Variants in MUSK observed in about 807,000 individuals in gnomAD.
MUSK encodes the protein muscle associated receptor tyrosine kinase, also known as muscle, skeletal receptor tyrosine-protein kinase.
In MUSK, 55 loss-of-function variants were observed where a neutral mutation model predicts 88.7. The observed-to-expected ratio is 0.62, with a 90% confidence interval of 0.50 to 0.78. The LOEUF (loss-of-function observed/expected upper bound fraction) is 0.78. Ranked by LOEUF, MUSK falls within the 30% of genes least tolerant of loss-of-function variation. The pLI, the probability that MUSK is intolerant of heterozygous loss-of-function variation, is 0.00. For missense variants in MUSK, 1,015 were observed against 1,074.3 expected (o/e 0.94, Z 0.77); for synonymous variants, 387 against 391.9 (o/e 0.99, Z 0.15).
chr9:110,676,216 C>T (rs1806440818), intron 1 of MUSK, among the ~76,000 whole-genome samples: 1 of 151,570 alleles, frequency 6.6e-6, no homozygotes, highest in Admixed American at 6.6e-5. Context: ...TAAAATTACA[C>T]ATAATGCTCA....
At chr9:110,784,262 T>C (rs1439341212) in intron 11 of MUSK, among the ~76,000 whole-genome samples, 1 of 152,184 alleles carries the variant, frequency 6.6e-6, no homozygotes, top group African/African-American at 2.4e-5. Flanking sequence ...GTATGGCATC[T>C]TTTGGTTTCC....
chr9:110,732,849 G>A (rs1186748574), intron 5 of MUSK, among the ~76,000 whole-genome samples: 1 of 152,010 alleles, frequency 6.6e-6, no homozygotes, highest in Non-Finnish European at 1.5e-5. Context: ...TCAAAAGATA[G>A]GAAGTCAAAT....
intron 5 of MUSK, among the ~76,000 whole-genome samples, chr9:110,723,170 G>GACATATAAATACACACACAT: frequency 6.6e-6 from 1 of 150,992 alleles, no homozygotes; most frequent in South Asian, 2.1e-4. Flanking sequence ...GAAAATGTGA[G>GACATATAAATACACACACAT]ACATATAAAT....
At chr9:110,730,203 T>A (rs2076945437) in intron 5 of MUSK, among the ~76,000 whole-genome samples, 2 of 130,096 alleles carry the variant, frequency 1.5e-5, no homozygotes, top group South Asian at 4.4e-4. Flanking sequence ...GTTAAATATA[T>A]TACCTTGGTC....
In MUSK at chr9:110,801,138, A is replaced by G; in HGVS notation, c.*150A>G. On this transcript the variant is annotated 3_prime_UTR_variant, in exon 15 of 15. Transcript: ENST00000374448. ...TGTTTGCTTCCCAGGGAGAGCAAAG[A>G]CAGTGCAAAACCCATGTGGTAGACG... The G allele has an allele frequency of 3.1e-6, 2 of 636,656 alleles. No individual in the cohort carries two copies. The highest frequency in any genetic ancestry group is 3.9e-5 in the South Asian group (1 of 25,354). The allele number at this position is 636,656 out of a possible 1,614,324, so 39.4% of individuals were successfully genotyped here. A position where few individuals can be genotyped will look rare whatever the true frequency, so the allele number is the denominator to read the frequency against.
intron 5 of MUSK, among the ~76,000 whole-genome samples, chr9:110,700,574 C>CT (rs1401549788): frequency 2.0e-5 from 3 of 152,050 alleles, no homozygotes; most frequent in Admixed American, 6.6e-5. Context: ...GTAGCTGGAG[C>CT]TATGTTTGGT....
chr9:110,772,467 A>T (rs945135604), intron 9 of MUSK, among the ~76,000 whole-genome samples: 3 of 151,874 alleles, frequency 2.0e-5, no homozygotes, highest in African/African-American at 7.2e-5. Flanking sequence ...GTTATTTTTT[A>T]AAATCCTCAT....
intron 7 of MUSK, among the ~76,000 whole-genome samples, chr9:110,755,406 T>G (rs2077297944): frequency 6.6e-6 from 1 of 152,214 alleles, no homozygotes; most frequent in South Asian, 2.1e-4. Flanking sequence ...GACCTGAGGC[T>G]ATATGTGTAA....
At chr9:110,689,084 A>G (rs1246029764) in intron 3 of MUSK, among the ~76,000 whole-genome samples, 2 of 137,088 alleles carry the variant, frequency 1.5e-5, no homozygotes, top group African/African-American at 2.7e-5. Context: ...ATATAGTTAT[A>G]TATTTACATT....
At chr9:110,707,496 T>C (rs2131757532) in intron 5 of MUSK, among the ~76,000 whole-genome samples, 2 of 152,350 alleles carry the variant, frequency 1.3e-5, no homozygotes, top group African/African-American at 4.8e-5. Flanking sequence ...TGGCTGAATG[T>C]AGTGTACTTG....
intron 5 of MUSK, among the ~76,000 whole-genome samples, chr9:110,710,863 C>T (rs2076659715): frequency 6.6e-6 from 1 of 152,188 alleles, no homozygotes; most frequent in East Asian, 1.9e-4. Context: ...TCCATTCTAG[C>T]ACTCACTGCT....
At chr9:110,749,656 A>G (rs2077223612) in intron 7 of MUSK, among the ~76,000 whole-genome samples, 1 of 152,236 alleles carries the variant, frequency 6.6e-6, no homozygotes, top group Admixed American at 6.5e-5. Flanking sequence ...AAGTGCGGCA[A>G]GCTGTCAGGA....
At chr9:110,725,971 C>T (rs747452324) in intron 5 of MUSK, among the ~76,000 whole-genome samples, 1 of 151,778 alleles carries the variant, frequency 6.6e-6, no homozygotes, top group Non-Finnish European at 1.5e-5. Flanking sequence ...TGTTTGAGCT[C>T]GAAATGACCA....
intron 5 of MUSK, among the ~76,000 whole-genome samples, chr9:110,712,554 C>A (rs867622209): frequency 9.9e-5 from 15 of 152,222 alleles, no homozygotes; most frequent in Middle Eastern, 6.8e-3. Flanking sequence ...AGGATGCATT[C>A]CCCAGTTATT....
chr9:110,784,867 TTCC>T lies in MUSK; in HGVS notation c.1446_1448del (p.Ser485del). 1 of 1,613,912 alleles carries T rather than the reference TTCC, an allele frequency of 6.2e-7. No individual in the cohort carries two copies. The highest frequency in any genetic ancestry group is 8.5e-7 in the Non-Finnish European group (1 of 1,179,836). ...CAAGTGTGGACATTCCAAATCTGCCTTCCTCCTCCTCTTCTTCCTTCTCTGTCT... is the reference window on the plus strand; with the variant it reads ...CAAGTGTGGACATTCCAAATCTGCCTTCCTCCTCTTCTTCCTTCTCTGTCT... On this transcript the variant is annotated inframe_deletion, in exon 12 of 15. Transcript: ENST00000374448.
intron 6 of MUSK, among the ~76,000 whole-genome samples, chr9:110,745,502 T>C (rs990163764): frequency 1.3e-5 from 2 of 152,188 alleles, no homozygotes; most frequent in African/African-American, 4.8e-5. Flanking sequence ...ATAAAGTCTG[T>C]TGATTGAGCA....
At chr9:110,673,773 C>A (rs2075990630) in intron 1 of MUSK, among the ~76,000 whole-genome samples, 2 of 152,188 alleles carry the variant, frequency 1.3e-5, no homozygotes, top group African/African-American at 4.8e-5. Flanking sequence ...CATAAAGTTT[C>A]TCTCTTATAA....
chr9:110,695,592 A>G (rs2076421187), intron 4 of MUSK, 62 bp downstream of exon 4: 2 of 1,332,780 alleles, frequency 1.5e-6, no homozygotes, highest in African/African-American at 3.1e-5. Flanking sequence ...ACATTTCTTT[A>G]CACACTCAGT....
At chr9:110,694,919 G>A (rs942016442) in intron 3 of MUSK, among the ~76,000 whole-genome samples, 2 of 151,998 alleles carry the variant, frequency 1.3e-5, no homozygotes, top group Non-Finnish European at 2.9e-5. Flanking sequence ...GAGAATGAAT[G>A]TATTTAATTA....
Sources: gnomAD v4.1 joint callset for allele counts (sites outside exome capture counted in the v4.1 genomes callset) on GRCh38, gnomAD v4.1.1 for gene constraint, MANE v1.5 for transcripts, NCBI Gene and HGNC (gene_info 2026-07-23, HGNC 2026-07-21) for gene names.